The following SPOCK3 variants were observed in gnomAD, a reference collection of about 807,000 sequenced individuals.
SPOCK3 encodes SPARC (osteonectin), cwcv and kazal like domains proteoglycan 3, also known as testican-3.
A neutral mutation model predicts 56.6 loss-of-function variants in SPOCK3; 30 were observed. The ratio of observed to expected loss-of-function variants is 0.53; its 90% CI spans 0.40 to 0.72. The LOEUF is 0.72. Among genes scored for constraint, SPOCK3 ranks in the 30% least tolerant of loss-of-function variants. SPOCK3 has a pLI of 0.00. For synonymous variants in SPOCK3, 196 were observed against 183.3 expected, an observed-to-expected ratio of 1.07 and a Z score of -0.56; for missense variants, 527 against 530.0, an observed-to-expected ratio of 0.99 and a Z score of 0.06.
At chr4:167,112,689 C>T (rs537265442) in intron 2 of SPOCK3, among the ~76,000 whole-genome samples, 13 of 151,834 alleles carry the variant, frequency 8.6e-5, no homozygotes, top group South Asian at 2.1e-4. Flanking sequence ...TCAGGTGAAA[C>T]GCAGAAATAG....
At chr4:166,762,882 C>T in intron 7 of SPOCK3, among the ~76,000 whole-genome samples, 1 of 152,012 alleles carries the variant, frequency 6.6e-6, no homozygotes, top group East Asian at 1.9e-4. Flanking sequence ...AAAAGAAAAA[C>T]CAACCATGAG....
chr4:167,169,909 T>C (rs1175042102), intron 2 of SPOCK3, among the ~76,000 whole-genome samples: 1 of 151,988 alleles, frequency 6.6e-6, no homozygotes, highest in Admixed American at 6.6e-5. Flanking sequence ...TAAATGGGAG[T>C]TCCTCTGCAC....
intron 7 of SPOCK3, among the ~76,000 whole-genome samples, chr4:166,777,118 G>T (rs908199533): frequency 1.3e-5 from 2 of 152,046 alleles, no homozygotes; most frequent in Non-Finnish European, 2.9e-5. Flanking sequence ...AACACAGGAA[G>T]AATTAAATGA....
chr4:166,964,316 T>G (rs1031919960), intron 4 of SPOCK3, among the ~76,000 whole-genome samples: 1 of 151,786 alleles, frequency 6.6e-6, no homozygotes, highest in South Asian at 2.1e-4. Flanking sequence ...GGAACAAAGC[T>G]AAAGAGGAGC....
At chr4:167,141,059 A>G (rs1192390673) in intron 2 of SPOCK3, among the ~76,000 whole-genome samples, 1 of 152,004 alleles carries the variant, frequency 6.6e-6, no homozygotes, top group Non-Finnish European at 1.5e-5. Context: ...GGCTGACCCC[A>G]GAGGAGTTGG....
At chr4:167,149,846 T>C (rs1295394245) in intron 2 of SPOCK3, among the ~76,000 whole-genome samples, 3 of 150,260 alleles carry the variant, frequency 2.0e-5, no homozygotes, top group Non-Finnish European at 4.4e-5. Context: ...TATATGTATA[T>C]ATATATATAT....
intron 2 of SPOCK3, among the ~76,000 whole-genome samples, chr4:167,090,509 T>TC (rs1758609446): frequency 7.0e-6 from 1 of 142,310 alleles, no homozygotes. Flanking sequence ...TATGGATTTA[T>TC]TTTTTTTTTT....
At chr4:166,766,550 G>A (rs1435276600) in intron 7 of SPOCK3, among the ~76,000 whole-genome samples, 1 of 152,112 alleles carries the variant, frequency 6.6e-6, no homozygotes, top group East Asian at 1.9e-4. Flanking sequence ...ACTTGATCGT[G>A]GTGGATAAGC....
chr4:166,930,817 C>T (rs558330816), intron 4 of SPOCK3, among the ~76,000 whole-genome samples: 45 of 152,216 alleles, frequency 3.0e-4, no homozygotes, highest in African/African-American at 1.0e-3. Context: ...CCTAATATCA[C>T]TTTTTAAAAT....
chr4:166,764,392 C>A (rs1303308718), intron 7 of SPOCK3, among the ~76,000 whole-genome samples: 2 of 151,990 alleles, frequency 1.3e-5, no homozygotes, highest in South Asian at 2.1e-4. Flanking sequence ...TTCCTGTGTC[C>A]AAGTGTTCTC....
At chr4:166,918,197 A>C (rs1264186615) in intron 4 of SPOCK3, among the ~76,000 whole-genome samples, 1 of 152,164 alleles carries the variant, frequency 6.6e-6, no homozygotes, top group African/African-American at 2.4e-5. Flanking sequence ...GACTGCAGTA[A>C]ATTATCTTTC....
intron 10 of SPOCK3, 77 bp from the exon 11 acceptor site, chr4:166,735,167 A>T (rs1480768577): frequency 1.2e-6 from 1 of 856,296 alleles, no homozygotes; most frequent in Non-Finnish European, 1.8e-6. Flanking sequence ...ATCCTTATAA[A>T]AATTAAGAAT....
chr4:166,884,823 A>G (rs1734032841), intron 6 of SPOCK3, among the ~76,000 whole-genome samples: 1 of 151,984 alleles, frequency 6.6e-6, no homozygotes, highest in South Asian at 2.1e-4. Flanking sequence ...TAGGCTCTCC[A>G]CAGGATAACA....
At chr4:166,751,174 C>T (rs1736330786) in intron 8 of SPOCK3, among the ~76,000 whole-genome samples, 1 of 152,124 alleles carries the variant, frequency 6.6e-6, no homozygotes, top group African/African-American at 2.4e-5. Flanking sequence ...ATAGAAATTA[C>T]AAATATTCAC....
At chr4:167,021,082 T>G (rs1751125717) in intron 3 of SPOCK3, among the ~76,000 whole-genome samples, 1 of 152,056 alleles carries the variant, frequency 6.6e-6, no homozygotes, top group South Asian at 2.1e-4. Flanking sequence ...TAAAATATTA[T>G]TATGCTGTGT....
chr4:167,026,816 TG>T (rs1751735703), intron 3 of SPOCK3, among the ~76,000 whole-genome samples: 1 of 149,626 alleles, frequency 6.7e-6, no homozygotes. Context: ...TTCTGGCATT[TG>T]AAGTTTTTTT....
intron 6 of SPOCK3, among the ~76,000 whole-genome samples, chr4:166,806,387 T>TAACAAAA (rs1206695451): frequency 6.6e-6 from 1 of 152,038 alleles, no homozygotes; most frequent in East Asian, 1.9e-4. Flanking sequence ...CAAGGTCATC[T>TAACAAAA]CCCTGGAGAT....
chr4:166,845,547 A>G lies in SPOCK3; in HGVS notation c.589+43583T>C, dbSNP rs76811453. 6.2e-3 allele frequency among the ~76,000 whole-genome samples: 946 copies of G among 152,310 alleles called. 25 individuals are homozygous for G. The highest frequency in any genetic ancestry group is 0.058 in the East Asian group (300 of 5,178). On this transcript the variant is annotated intron_variant, in intron 6 of 10. Coordinates refer to ENST00000357545, the MANE Select transcript of SPOCK3 (RefSeq NM_001040159.2). ...TAAGTGATTGAAGGAATTTTGAAGT[A>G]GTTTCTATTTTGTAAACAATGTCTC...
At chr4:167,234,600 C>T (rs1339821236), upstream of SPOCK3, 2 of 206,536 alleles carry the variant, frequency 9.7e-6, no homozygotes, top group African/African-American at 4.6e-5. Flanking sequence ...CATCTCCACC[C>T]TCCCTTCGCG....
Sources: allele counts gnomAD v4.1 joint callset (sites outside exome capture counted in the v4.1 genomes callset), GRCh38; gene constraint gnomAD v4.1.1; transcripts MANE v1.5; gene names NCBI Gene and HGNC (gene_info 2026-07-23, HGNC 2026-07-21).